The following CARM1 variants were observed in gnomAD, a reference collection of about 807,000 sequenced individuals.
CARM1 encodes histone-arginine methyltransferase CARM1.
CARM1 carries 14 observed loss-of-function variants against 72.7 expected under a neutral mutation model. The observed-to-expected ratio is 0.19, with a 90% CI of 0.13 to 0.30. The LOEUF (loss-of-function observed/expected upper bound fraction) is 0.30, where lower values mean the gene tolerates loss of function less well. CARM1 is among the 10% of genes least tolerant of loss of function. The probability of loss-of-function intolerance (pLI) is 1.00; values close to 1 mark genes in which losing one functional copy is unlikely to be tolerated. For synonymous variants in CARM1, 333 were observed against 345.5 expected, an observed-to-expected ratio of 0.96 and a Z score of 0.40; for missense variants, 432 against 833.7, an observed-to-expected ratio of 0.52 and a Z score of 5.93.
intron 1 of CARM1, among the ~76,000 whole-genome samples, chr19:10,890,318 A>G (rs183451061): frequency 0.016 from 2,331 of 143,144 alleles, 32 homozygotes; most frequent in Middle Eastern, 0.026. Flanking sequence ...TCCAGGCTGG[A>G]GTGCAGTGGC....
intron 1 of CARM1, among the ~76,000 whole-genome samples, chr19:10,892,103 G>A (rs1312003078): frequency 6.6e-6 from 1 of 152,196 alleles, no homozygotes; most frequent in Non-Finnish European, 1.5e-5. Flanking sequence ...CATTTAACAT[G>A]TCAGTGTGTA....
chr19:10,895,745 C>T (rs1015036279), intron 1 of CARM1, among the ~76,000 whole-genome samples: 2 of 152,158 alleles, frequency 1.3e-5, no homozygotes, highest in African/African-American at 4.8e-5. Context: ...ATGAGTGCCC[C>T]TTGTGTGCTA....
chr19:10,911,319 G>A (rs1011003304), intron 4 of CARM1, among the ~76,000 whole-genome samples: 11 of 152,102 alleles, frequency 7.2e-5, no homozygotes, highest in South Asian at 2.1e-4. Context: ...ATCGCTTACC[G>A]TCCCAGAGGA....
rs369445699 is a variant in CARM1, at chr19:10,920,017, C to T, written c.1196+51C>T. 2.3e-5 allele frequency: 33 copies of T among 1,423,218 alleles called. No homozygotes were observed. Among genetic ancestry groups the T allele is most frequent in the African/African-American group, 2.8e-5 (2 of 71,316 alleles). 88.2% of individuals were successfully genotyped at this position (1,423,218 alleles called of 1,614,324 possible). A position where few individuals can be genotyped will look rare whatever the true frequency, so the allele number is the denominator to read the frequency against. On this transcript the variant is annotated intron_variant, in intron 10 of 15. Coordinates refer to ENST00000327064, the MANE Select transcript of CARM1 (RefSeq NM_199141.2). This position sits in a 1 kb window ranked among gnomAD's most constrained non-coding sequence, Gnocchi z 5.3. ...TGCCTCCTCCCCACTCCCAGGGCTT[C>T]CTGCAGCTGCAACCTGGCTGGGGGG... is the stretch of plus-strand genomic sequence containing the variant.
intron 4 of CARM1, among the ~76,000 whole-genome samples, chr19:10,909,483 C>A (rs189659193): frequency 1.3e-5 from 2 of 151,696 alleles, no homozygotes; most frequent in East Asian, 3.9e-4. Context: ...CGCCTGTAAT[C>A]CCAGCACTTT....
At chr19:10,874,094 T>C (rs1343423377) in intron 1 of CARM1, among the ~76,000 whole-genome samples, 1 of 152,182 alleles carries the variant, frequency 6.6e-6, no homozygotes, top group African/African-American at 2.4e-5. Context: ...GCACTTCTCT[T>C]TGAGAGGTAA....
At chr19:10,898,458 A>G (rs1437546500) in intron 1 of CARM1, among the ~76,000 whole-genome samples, 1 of 152,178 alleles carries the variant, frequency 6.6e-6, no homozygotes, top group Non-Finnish European at 1.5e-5. Context: ...ACAGTCCCCA[A>G]CATGCGCCGG....
At chr19:10,884,631 T>C (rs1361449834) in intron 1 of CARM1, among the ~76,000 whole-genome samples, 1 of 152,070 alleles carries the variant, frequency 6.6e-6, no homozygotes, top group East Asian at 1.9e-4. Flanking sequence ...AACCCAGGGC[T>C]GAAGGAGTTG....
At position 10,919,900 on chromosome 19, in the gene CARM1, A is replaced by T. The variant is rs1409025320; in HGVS notation, c.1130A>T (p.His377Leu). ...LHRIEIPFKFHMLHSGLVHGL... is the reference protein window; with the variant it reads ...LHRIEIPFKFLMLHSGLVHGL... ...AGGATAGAAATCCCATTCAAATTCC[A>T]CATGCTGCATTCAGGGCTGGTCCAC... is the stretch of plus-strand genomic sequence containing the variant. Residue 377 changes from histidine (H) to leucine (L), a missense_variant, in exon 10 of 16, where the codon CAC becomes CTC. Physicochemically the swap from His to Leu is moderately conservative, Grantham distance 99. This residue lies in a region of CARM1 where 152 missense variants were observed against 452.8 expected (regional missense o/e 0.34). Transcript: ENST00000327064. 1.2e-6 allele frequency: 2 copies of T among 1,614,092 alleles called. No individual in the cohort carries two copies. The highest frequency in any genetic ancestry group is 1.7e-6 in the Non-Finnish European group (2 of 1,179,938).
In CARM1 at chr19:10,912,058, C is replaced by G; in HGVS notation, c.559-126C>G. 2 of 766,142 alleles carry G rather than the reference C, an allele frequency of 2.6e-6. No individual in the cohort carries two copies. Among genetic ancestry groups the G allele is most frequent in the Admixed American group, 1.8e-5 (1 of 55,964 alleles). The allele number at this position is 766,142 out of a possible 1,614,324, so 47.5% of individuals were successfully genotyped here. A position where few individuals can be genotyped will look rare whatever the true frequency, so the allele number is the denominator to read the frequency against. Reference sequence around the variant, plus strand: ...TTCTCGCTTCATTTTGACCAAGAGCCCATAAAGGGCAAACATTGAGAGTGA... The same window carrying G: ...TTCTCGCTTCATTTTGACCAAGAGCGCATAAAGGGCAAACATTGAGAGTGA... On this transcript the variant is annotated intron_variant, in intron 4 of 15. Transcript: ENST00000327064. This position sits in a 1 kb window ranked among gnomAD's most constrained non-coding sequence, Gnocchi z 4.5.
intron 6 of CARM1, among the ~76,000 whole-genome samples, chr19:10,914,833 G>A (rs1484255354): frequency 6.6e-6 from 1 of 152,202 alleles, no homozygotes; most frequent in African/African-American, 2.4e-5. Flanking sequence ...TGGGATTATA[G>A]GCATGAGCCA....
At chr19:10,913,682 A>G (rs2074172307) in intron 5 of CARM1, among the ~76,000 whole-genome samples, 195 bp from the exon 6 acceptor site, 1 of 152,144 alleles carries the variant, frequency 6.6e-6, no homozygotes, top group Non-Finnish European at 1.5e-5. Context: ...TACAGGCATG[A>G]GGCACCGTGC....
chr19:10,888,401 G>A (rs536388621), intron 1 of CARM1, among the ~76,000 whole-genome samples: 6 of 152,290 alleles, frequency 3.9e-5, no homozygotes, highest in African/African-American at 7.2e-5. Context: ...GACTGTCATC[G>A]CTCTGTTGCT....
chr19:10,913,821 G>A (rs919671015), intron 5 of CARM1, 56 bp from the exon 6 acceptor site: 58 of 1,564,602 alleles, frequency 3.7e-5, no homozygotes, highest in Non-Finnish European at 5.0e-5. Context: ...CAGGTCTAGG[G>A]AGGGCCCCAT....
chr19:10,894,575 A>G (rs1599694512), intron 1 of CARM1, among the ~76,000 whole-genome samples: 1 of 152,104 alleles, frequency 6.6e-6, no homozygotes, highest in African/African-American at 2.4e-5. Flanking sequence ...CCCCCGCCCC[A>G]GGTTTGCCGA....
rs114217458 is a variant in CARM1 at position 10,902,104 on chromosome 19, C to T, written c.221-2847C>T. Reference sequence around the variant, plus strand: ...ACGAAAACTACAAAAATAAGCTGGACGTGGTGGTGCACACCTGTAGTCCCC... The same window carrying T: ...ACGAAAACTACAAAAATAAGCTGGATGTGGTGGTGCACACCTGTAGTCCCC... On this transcript the variant is annotated intron_variant, in intron 1 of 15. Coordinates refer to ENST00000327064, the MANE Select transcript of CARM1 (RefSeq NM_199141.2). Among the ~76,000 whole-genome samples, 443 of 151,296 alleles carry T rather than the reference C, an allele frequency of 2.9e-3. 1 individual carries two copies. The highest frequency in any genetic ancestry group is 0.01 in the African/African-American group (429 of 41,216).
At chr19:10,890,274 T>C (rs1285416191) in intron 1 of CARM1, among the ~76,000 whole-genome samples, 4 of 150,702 alleles carry the variant, frequency 2.7e-5, no homozygotes, top group Admixed American at 1.3e-4. Flanking sequence ...TGTTTGTTTT[T>C]TTTTTTTTTT....
At chr19:10,882,316 G>C (rs2073907762) in intron 1 of CARM1, among the ~76,000 whole-genome samples, 1 of 152,174 alleles carries the variant, frequency 6.6e-6, no homozygotes, top group Admixed American at 6.6e-5. Context: ...TGGAGGCTGG[G>C]CTCCAGCCAT....
At chr19:10,919,241 G>T (rs2074221454) in intron 8 of CARM1, 1 of 218,140 alleles carries the variant, frequency 4.6e-6, no homozygotes. Context: ...ACGTCCGCAT[G>T]GTCTTTGATG....
Sources: gnomAD v4.1 joint callset for allele counts (sites outside exome capture counted in the v4.1 genomes callset) on GRCh38, gnomAD v4.1.1 for gene constraint, gnomAD v4.1.1 regional missense constraint, Gnocchi (gnomAD v3.1) non-coding constraint, MANE v1.5 for transcripts, NCBI Gene and HGNC (gene_info 2026-07-23, HGNC 2026-07-21) for gene names.